The following SLC10A7 variants were observed in gnomAD, a reference collection of about 807,000 sequenced individuals.
SLC10A7 encodes the protein sodium/bile acid cotransporter 7.
SLC10A7 carries 29 observed loss-of-function variants against 43.2 expected under a neutral mutation model. The observed-to-expected ratio is 0.67, with a 90% CI of 0.50 to 0.92. The LOEUF is 0.92. Ranked by LOEUF, SLC10A7 falls within the 40% of genes least tolerant of loss-of-function variation. The pLI is 0.00. For missense variants in SLC10A7, 295 were observed against 403.2 expected, an observed-to-expected ratio of 0.73 and a Z score of 2.30; for synonymous variants, 152 against 144.8, an observed-to-expected ratio of 1.05 and a Z score of -0.35.
At chr4:146,458,486 C>T (rs1168909103) in intron 4 of SLC10A7, among the ~76,000 whole-genome samples, 1 of 151,820 alleles carries the variant, frequency 6.6e-6, no homozygotes, top group East Asian at 1.9e-4. Flanking sequence ...GCTGAAAATT[C>T]CCCAAGCAGA....
At chr4:146,399,345 A>C (rs1006688917) in intron 5 of SLC10A7, among the ~76,000 whole-genome samples, 1 of 151,622 alleles carries the variant, frequency 6.6e-6, no homozygotes, top group East Asian at 1.9e-4. Flanking sequence ...GTAGATTTTA[A>C]CCTAAGGGCA....
intron 6 of SLC10A7, among the ~76,000 whole-genome samples, chr4:146,312,315 T>C (rs189841863): frequency 1.3e-5 from 2 of 152,252 alleles, no homozygotes; most frequent in East Asian, 1.9e-4. Flanking sequence ...TTGACAAAGA[T>C]TGTATCTATT....
rs1343325490 is a variant in SLC10A7 at position 146,306,018 on chromosome 4, C to G, written c.472-9G>C. 2 of 1,592,374 alleles carry G rather than the reference C, an allele frequency of 1.3e-6. No individual in the cohort carries two copies. Among genetic ancestry groups the G allele is most frequent in the Non-Finnish European group, 1.7e-6 (2 of 1,170,440 alleles). ...GAAGAAGATGAACCAAGCTGTAAAACAAGAAAATAGGAGTTAGAATTACTT... is the reference window on the plus strand; with the variant it reads ...GAAGAAGATGAACCAAGCTGTAAAAGAAGAAAATAGGAGTTAGAATTACTT... On this transcript the variant is annotated splice_polypyrimidine_tract_variant and intron_variant, in intron 6 of 11. Coordinates refer to ENST00000335472, the MANE Select transcript of SLC10A7 (RefSeq NM_001029998.6).
At chr4:146,511,814 C>G (rs1211095759) in intron 2 of SLC10A7, among the ~76,000 whole-genome samples, 1 of 152,132 alleles carries the variant, frequency 6.6e-6, no homozygotes, top group Non-Finnish European at 1.5e-5. Flanking sequence ...TGAGCACCAG[C>G]AGTTCCAGAG....
chr4:146,457,345 T>C (rs949481086), intron 4 of SLC10A7, among the ~76,000 whole-genome samples: 2 of 151,886 alleles, frequency 1.3e-5, no homozygotes, highest in African/African-American at 2.4e-5. Context: ...ATAAAATGGG[T>C]ATCCATCTCC....
intron 6 of SLC10A7, among the ~76,000 whole-genome samples, chr4:146,322,818 A>G (rs1732820374): frequency 6.6e-6 from 1 of 152,162 alleles, no homozygotes; most frequent in South Asian, 2.1e-4. Context: ...CAATGGTTGA[A>G]CTAGTTTACC....
intron 7 of SLC10A7, among the ~76,000 whole-genome samples, chr4:146,301,960 CTTTACTA>C (rs1731191732): frequency 6.6e-6 from 1 of 152,128 alleles, no homozygotes; most frequent in African/African-American, 2.4e-5. Context: ...TTACTGAATA[CTTTACTA>C]TTTACTACTG....
chr4:146,355,494 A>T (rs1198727943), intron 5 of SLC10A7, among the ~76,000 whole-genome samples: 2 of 151,634 alleles, frequency 1.3e-5, no homozygotes, highest in Admixed American at 1.3e-4. Flanking sequence ...TTCCTCAGGG[A>T]TCTAGAACTA....
At chr4:146,516,221 G>A (rs1293524508) in intron 2 of SLC10A7, among the ~76,000 whole-genome samples, 1 of 151,728 alleles carries the variant, frequency 6.6e-6, no homozygotes, top group East Asian at 1.9e-4. Context: ...AAGACCAAAT[G>A]GGTATTTTCT....
intron 6 of SLC10A7, 58 bp downstream of exon 6, chr4:146,325,903 T>G: frequency 5.5e-6 from 8 of 1,467,752 alleles, no homozygotes; most frequent in South Asian, 1.2e-5. Context: ...TGACCTTTCT[T>G]AAAGGGTTGT....
chr4:146,267,275 G>T (rs966939250), intron 10 of SLC10A7, among the ~76,000 whole-genome samples: 6 of 152,132 alleles, frequency 3.9e-5, no homozygotes, highest in Non-Finnish European at 8.8e-5. Context: ...GATCAGTCTG[G>T]TGCTGCCCCT....
intron 5 of SLC10A7, among the ~76,000 whole-genome samples, chr4:146,419,322 C>T (rs1728794579): frequency 6.6e-6 from 1 of 152,160 alleles, no homozygotes; most frequent in African/African-American, 2.4e-5. Context: ...CAAATTAGCA[C>T]ACAAAAGTCA....
At position 146,407,122 on chromosome 4, in the gene SLC10A7, A is replaced by G. The variant is rs975011344; in HGVS notation, c.435+35661T>C. ...TCTTTTCAGAGTCCCAGGATATCTC[A>G]TTGTACATAGAAGTCAAGCTATGGC... On this transcript the variant is annotated intron_variant, in intron 5 of 11. Coordinates refer to ENST00000335472, the MANE Select transcript of SLC10A7 (RefSeq NM_001029998.6). 7.9e-5 allele frequency among the ~76,000 whole-genome samples: 12 copies of G among 152,292 alleles called. No individual in the cohort carries two copies. In the East Asian group the frequency reaches 2.1e-3, roughly 27 times the overall value.
chr4:146,397,814 G>A (rs1297331880), intron 5 of SLC10A7, among the ~76,000 whole-genome samples: 2 of 152,152 alleles, frequency 1.3e-5, no homozygotes, highest in African/African-American at 4.8e-5. Flanking sequence ...GGAGAGCAGA[G>A]GAAACACCTT....
chr4:146,468,708 C>T (rs1579267914), intron 4 of SLC10A7, among the ~76,000 whole-genome samples: 1 of 152,148 alleles, frequency 6.6e-6, no homozygotes, highest in Non-Finnish European at 1.5e-5. Context: ...GTGATCTACT[C>T]GCCTCAGCCT....
chr4:146,375,051 C>A (rs1302926803), intron 5 of SLC10A7, among the ~76,000 whole-genome samples: 1 of 151,900 alleles, frequency 6.6e-6, no homozygotes, highest in African/African-American at 2.4e-5. Flanking sequence ...ACTAAAAAAA[C>A]AAAAATTAAC....
intron 5 of SLC10A7, among the ~76,000 whole-genome samples, chr4:146,390,583 C>G (rs959700400): frequency 6.6e-6 from 1 of 152,068 alleles, no homozygotes; most frequent in African/African-American, 2.4e-5. Flanking sequence ...CTGCAGTGAA[C>G]CATGTTTAAG....
At chr4:146,262,923 A>T (rs1728325801) in intron 10 of SLC10A7, among the ~76,000 whole-genome samples, 1 of 152,214 alleles carries the variant, frequency 6.6e-6, no homozygotes, top group Admixed American at 6.5e-5. Flanking sequence ...GTGGCATAAG[A>T]GCATAAGAGG....
rs911263585 is a variant in SLC10A7, at chr4:146,432,855, T to C, written c.435+9928A>G. On this transcript the variant is annotated intron_variant, in intron 5 of 11. Transcript: ENST00000335472. ...GAGATCAAGACCATCCTGGCCAACATGGTGAAACCGCATTTCTAGTAAAAT... is the reference window on the plus strand; with the variant it reads ...GAGATCAAGACCATCCTGGCCAACACGGTGAAACCGCATTTCTAGTAAAAT... 1.2e-4 allele frequency among the ~76,000 whole-genome samples: 19 copies of C among 152,066 alleles called. 1 individual carries two copies. Among genetic ancestry groups the C allele is most frequent in the African/African-American group, 4.1e-4 (17 of 41,522 alleles).
Sources: allele counts gnomAD v4.1 joint callset (sites outside exome capture counted in the v4.1 genomes callset), GRCh38; gene constraint gnomAD v4.1.1; transcripts MANE v1.5; gene names NCBI Gene and HGNC (gene_info 2026-07-23, HGNC 2026-07-21).